The following PTPN23 variants were observed in gnomAD, a reference collection of about 807,000 sequenced individuals.
PTPN23 encodes tyrosine-protein phosphatase non-receptor type 23.
Under a neutral mutation model 156.3 loss-of-function variants are expected in PTPN23, and 72 were observed. The ratio of observed to expected loss-of-function variants is 0.46; its 90% CI spans 0.38 to 0.56. The LOEUF (loss-of-function observed/expected upper bound fraction) is 0.56, where lower values mean the gene tolerates loss of function less well. Ranked by LOEUF, PTPN23 falls within the 20% of genes least tolerant of loss-of-function variation. The probability of loss-of-function intolerance (pLI) is 0.00; values close to 1 mark genes in which losing one functional copy is unlikely to be tolerated. For missense variants in PTPN23, 1,974 were observed against 2,171.5 expected (o/e 0.91, Z 1.81); for synonymous variants, 957 against 899.6 (o/e 1.06, Z -1.14).
chr3:47,410,938 C>G lies in PTPN23; in HGVS notation c.3140C>G (p.Pro1047Arg). The G allele has an allele frequency of 6.2e-7, 1 of 1,609,754 alleles. No homozygotes were observed. The highest frequency in any genetic ancestry group is 1.7e-5 in the Admixed American group (1 of 59,948). Residue 1047 changes from proline (P) to arginine (R), a missense_variant, in exon 20 of 25, where the codon CCC becomes CGC. Physicochemically the swap from Pro to Arg is moderately radical, Grantham distance 103. This residue lies in a region of PTPN23 where 731 missense variants were observed against 669.1 expected (regional missense o/e 1.09). Coordinates refer to ENST00000265562, the MANE Select transcript of PTPN23 (RefSeq NM_015466.4). ...CCTGGGCCCCCTCAGCCTCCCCATC[C>G]CCCACTGGCATATGGTCCTGCCCCT... Reference protein sequence around the residue: ...PSPGPPQPPHPPLAYGPAPST... With the variant: ...PSPGPPQPPHRPLAYGPAPST...
At chr3:47,384,225 T>C (rs1305683876) in intron 1 of PTPN23, among the ~76,000 whole-genome samples, 4 of 151,802 alleles carry the variant, frequency 2.6e-5, no homozygotes, top group African/African-American at 9.7e-5. Context: ...TCCCAGCACT[T>C]TGGGAGGCCG....
At chr3:47,386,008 G>GT (rs1301834662) in intron 1 of PTPN23, among the ~76,000 whole-genome samples, 1 of 152,086 alleles carries the variant, frequency 6.6e-6, no homozygotes, top group Non-Finnish European at 1.5e-5. Flanking sequence ...CCTTCCTCCT[G>GT]TTTATCACAT....
Position 47,406,950 on chromosome 3 carries a change from CTA to C in PTPN23, c.808-179_808-178del, listed in dbSNP as rs1388180776. ...GGTCTGAGGAGGTGGGGCAGGCTCC[CTA>C]CAGAGCAGGTGGCTGGGGCAGGGTG... On this transcript the variant is annotated intron_variant, in intron 9 of 24. Coordinates refer to ENST00000265562, the MANE Select transcript of PTPN23 (RefSeq NM_015466.4). The surrounding 1 kb of genome is among the most constrained non-coding windows in gnomAD (Gnocchi z 5.8). Among the ~76,000 whole-genome samples the C allele has an allele frequency of 1.2e-4, 18 of 152,200 alleles. No individual in the cohort carries two copies. Among genetic ancestry groups the C allele is most frequent in the South Asian group, 6.2e-4 (3 of 4,824 alleles).
intron 2 of PTPN23, among the ~76,000 whole-genome samples, chr3:47,399,945 C>T (rs55654375): frequency 0.014 from 2,060 of 152,148 alleles, 30 homozygotes; most frequent in Middle Eastern, 0.024. Flanking sequence ...CTCCTGAGTA[C>T]CTGGGACAAG....
In PTPN23 at chr3:47,410,374, G is replaced by A. The variant is rs1207255387; in HGVS notation, c.2576G>A (p.Gly859Asp). The A allele has an allele frequency of 6.2e-7, 1 of 1,610,692 alleles. No individual in the cohort carries two copies. The highest frequency in any genetic ancestry group is 1.1e-5 in the South Asian group (1 of 90,524). The change falls in exon 20 of 25, where the codon GGT becomes GAT. Residue 859 changes from glycine to aspartate, a missense_variant. By Grantham distance (94) the Gly-to-Asp change is moderately conservative. Coordinates refer to ENST00000265562, the MANE Select transcript of PTPN23 (RefSeq NM_015466.4). ...VGVGPAPPVAGLPSAPPPQFS... is the reference protein window; with the variant it reads ...VGVGPAPPVADLPSAPPPQFS... Reference sequence around the variant, plus strand: ...GTAGGGCCGGCCCCACCAGTTGCAGGTCTCCCCTCGGCCCCACCTCCTCAA... The same window carrying A: ...GTAGGGCCGGCCCCACCAGTTGCAGATCTCCCCTCGGCCCCACCTCCTCAA...
intron 2 of PTPN23, among the ~76,000 whole-genome samples, chr3:47,397,585 C>T (rs1704905000): frequency 6.6e-6 from 1 of 152,166 alleles, no homozygotes. Flanking sequence ...TGCAATAACC[C>T]AGCAGTACTA....
chr3:47,402,739 C>T (rs1211423764), intron 2 of PTPN23, among the ~76,000 whole-genome samples: 2 of 151,812 alleles, frequency 1.3e-5, no homozygotes, highest in Non-Finnish European at 2.9e-5. Flanking sequence ...GAGTTTTTCT[C>T]TTGTTGCCCA....
rs554714615 is a variant in PTPN23 at position 47,400,405 on chromosome 3, T to C, written c.159+4188T>C. Among the ~76,000 whole-genome samples, 25 of 152,296 alleles carry C rather than the reference T, an allele frequency of 1.6e-4. No individual in the cohort carries two copies. In the East Asian group the frequency reaches 4.8e-3, roughly 29 times the overall value. ...TCAAGCTCTCTCTCAGACTCCTCTG[T>C]GCGGCTCTGCGCAGCTCGTCTGAGA... is the stretch of plus-strand genomic sequence containing the variant. On this transcript the variant is annotated intron_variant, in intron 2 of 24. Coordinates refer to ENST00000265562, the MANE Select transcript of PTPN23 (RefSeq NM_015466.4).
At chr3:47,381,525 G>A (rs560354114) in intron 1 of PTPN23, among the ~76,000 whole-genome samples, 4 of 152,112 alleles carry the variant, frequency 2.6e-5, no homozygotes, top group African/African-American at 7.2e-5. Context: ...GGACCGCCCC[G>A]CGCGGGAGCG....
At position 47,406,299 on chromosome 3, in the gene PTPN23, G is replaced by T. The variant is rs776416631; in HGVS notation, c.547-26G>T. 4 of 1,612,330 alleles carry T rather than the reference G, an allele frequency of 2.5e-6. No homozygotes were observed. The highest frequency in any genetic ancestry group is 2.2e-5 in the South Asian group (2 of 91,046). ...AAGCGGGAGGCCTTGGGTGAGCGAG[G>T]GAGTGCACCTCACGTGTCGCCCCAG... is the stretch of plus-strand genomic sequence containing the variant. On this transcript the variant is annotated intron_variant, in intron 6 of 24. Coordinates refer to ENST00000265562, the MANE Select transcript of PTPN23 (RefSeq NM_015466.4). This position sits in a 1 kb window ranked among gnomAD's most constrained non-coding sequence, Gnocchi z 5.8.
In PTPN23 at chr3:47,411,774, G is replaced by T. The variant is rs769826965; in HGVS notation, c.3889-9G>T. ...AAACCAGGTCTGTCTTGGCTTATCT[G>T]TCCCTCAGCAAAAAGTGGCACGCTA... On this transcript the variant is annotated splice_polypyrimidine_tract_variant and intron_variant, in intron 20 of 24. Transcript: ENST00000265562. This position sits in a 1 kb window ranked among gnomAD's most constrained non-coding sequence, Gnocchi z 6.3. 1.2e-6 allele frequency: 2 copies of T among 1,602,760 alleles called. No homozygotes were observed. The highest frequency in any genetic ancestry group is 1.7e-6 in the Non-Finnish European group (2 of 1,173,126).
intron 2 of PTPN23, among the ~76,000 whole-genome samples, chr3:47,396,750 C>G (rs1704887099): frequency 6.6e-6 from 1 of 152,056 alleles, no homozygotes; most frequent in African/African-American, 2.4e-5. Flanking sequence ...CATAGTGAGG[C>G]CCTGTCTCTA....
intron 1 of PTPN23, 111 bp downstream of exon 1, chr3:47,381,291 G>A: frequency 6.9e-7 from 1 of 1,439,058 alleles, no homozygotes; most frequent in South Asian, 1.3e-5. Context: ...CGCAGGGTCC[G>A]GTGAGGCCAG....
In PTPN23 at chr3:47,412,926, CACTACCTGAGG is replaced by C; in HGVS notation, c.4653_4663del (p.Leu1552SerfsTer4). The C allele has an allele frequency of 6.2e-7, 1 of 1,604,896 alleles. No homozygotes were observed. The highest frequency in any genetic ancestry group is 8.5e-7 in the Non-Finnish European group (1 of 1,175,036). On this transcript the variant is annotated frameshift_variant, in exon 25 of 25. Transcript: ENST00000265562. LOFTEE classifies it high-confidence loss of function. The stretch of plus-strand genomic sequence containing the variant: ...TCCTCCCCGCCCCCCCTTTCCTCCC[CACTACCTGAGG>C]CTCCCCAGCCTAAGGAGGAGCCGCC...
At chr3:47,389,737 G>T (rs1704729553) in intron 1 of PTPN23, among the ~76,000 whole-genome samples, 1 of 151,990 alleles carries the variant, frequency 6.6e-6, no homozygotes, top group Non-Finnish European at 1.5e-5. Context: ...CTGCTCAGGA[G>T]GCTGAGGCAG....
chr3:47,411,345 G>T lies in PTPN23; in HGVS notation c.3547G>T (p.Gly1183Cys). The change falls in exon 20 of 25, where the codon GGT (glycine) becomes TGT (cysteine). Residue 1183 changes from glycine (G) to cysteine (C), a missense_variant. Physicochemically the swap from Gly to Cys is radical, Grantham distance 159. This residue lies in a region of PTPN23 where 731 missense variants were observed against 669.1 expected (regional missense o/e 1.09). Transcript: ENST00000265562. The surrounding 1 kb of genome is among the most constrained non-coding windows in gnomAD (Gnocchi z 6.3). ...QLQQELEAFR[G>C]QLGDVGALDT... ...GCAGCAGGAGCTGGAGGCCTTTCGG[G>T]GTCAGCTGGGGGATGTGGGAGCTCT... The T allele has an allele frequency of 6.2e-7, 1 of 1,612,954 alleles. No homozygotes were observed. Among genetic ancestry groups the T allele is most frequent in the Non-Finnish European group, 8.5e-7 (1 of 1,180,028 alleles).
At chr3:47,402,489 A>G (rs936498061) in intron 2 of PTPN23, among the ~76,000 whole-genome samples, 55 of 152,310 alleles carry the variant, frequency 3.6e-4, no homozygotes, top group Admixed American at 9.8e-4. Context: ...CACGTTGCCC[A>G]GGCTGGTCTC....
chr3:47,392,563 G>C (rs1405799473), intron 1 of PTPN23, among the ~76,000 whole-genome samples: 3 of 152,126 alleles, frequency 2.0e-5, no homozygotes, highest in Admixed American at 2.0e-4. Flanking sequence ...TGGAGAGGGG[G>C]TGGAGTTGGA....
At chr3:47,408,628 A>T (rs1205501390) in intron 15 of PTPN23, 138 bp downstream of exon 15, 1 of 1,417,736 alleles carries the variant, frequency 7.1e-7, no homozygotes, top group East Asian at 2.3e-5. Flanking sequence ...CACTCCTCTG[A>T]ATCAGCATAC....
Sources: allele counts gnomAD v4.1 joint callset (sites outside exome capture counted in the v4.1 genomes callset), GRCh38; gene constraint gnomAD v4.1.1; regional missense constraint gnomAD v4.1.1; non-coding constraint Gnocchi (gnomAD v3.1); transcripts MANE v1.5; gene names NCBI Gene and HGNC (gene_info 2026-07-23, HGNC 2026-07-21).